The following MYH10 variants were observed in gnomAD, a reference collection of about 807,000 sequenced individuals.
MYH10 encodes the protein myosin heavy chain 10, also known as myosin-10.
Under a neutral mutation model 257.8 loss-of-function variants are expected in MYH10, and 55 were observed. That is an observed-to-expected ratio of 0.21 (90% CI 0.17 to 0.27). MYH10 has a LOEUF of 0.27. Among genes scored for constraint, MYH10 ranks in the 10% least tolerant of loss-of-function variants. MYH10 has a pLI of 1.00. For synonymous variants in MYH10, 854 were observed against 921.7 expected, an observed-to-expected ratio of 0.93 and a Z score of 1.33; for missense variants, 1,631 against 2,500.6, an observed-to-expected ratio of 0.65 and a Z score of 7.42.
intron 7 of MYH10, among the ~76,000 whole-genome samples, chr17:8,556,297 T>C (rs2082793593): frequency 6.6e-6 from 1 of 152,184 alleles, no homozygotes; most frequent in African/African-American, 2.4e-5. Context: ...AATGCATGCA[T>C]CCACATGGAC....
chr17:8,548,562 C>T, intron 10 of MYH10, 82 bp downstream of exon 10: 1 of 1,518,608 alleles, frequency 6.6e-7, no homozygotes, highest in Non-Finnish European at 8.9e-7. Context: ...GTTTCCCAGT[C>T]ATTTTCTAGT....
At chr17:8,604,707 T>C (rs1234649244) in intron 3 of MYH10, 119 bp downstream of exon 3, 1 of 742,912 alleles carries the variant, frequency 1.3e-6, no homozygotes, top group Admixed American at 4.1e-5. Context: ...TAAACATTAC[T>C]TTTTTATTAA....
chr17:8,484,321 A>G, intron 36 of MYH10, 55 bp from the exon 37 acceptor site: 1 of 1,555,656 alleles, frequency 6.4e-7, no homozygotes, highest in Non-Finnish European at 8.7e-7. Flanking sequence ...TTTAGTTAAA[A>G]TAAAATTTTT....
intron 19 of MYH10, among the ~76,000 whole-genome samples, chr17:8,520,287 G>A (rs2081610426): frequency 6.6e-6 from 1 of 152,156 alleles, no homozygotes; most frequent in Non-Finnish European, 1.5e-5. Flanking sequence ...ACGAGGTCAG[G>A]AGATCGAGAC....
chr17:8,569,333 T>A lies in MYH10; in HGVS notation c.756+387A>T, dbSNP rs1362146982. On this transcript the variant is annotated intron_variant, in intron 7 of 42. Transcript: ENST00000360416. The surrounding 1 kb of genome is among the most constrained non-coding windows in gnomAD (Gnocchi z 4.1). The stretch of plus-strand genomic sequence containing the variant: ...AGGTCAGTTTACCACATCTAATGCG[T>A]TGAATGTTTACTATGCATAGTGCCG... Among the ~76,000 whole-genome samples, 1 of 152,130 alleles carries A rather than the reference T, an allele frequency of 6.6e-6. No individual in the cohort carries two copies.
At position 8,542,045 on chromosome 17, in the gene MYH10, T is replaced by C. The variant is rs921129041; in HGVS notation, c.1605+62A>G. 2.0e-6 allele frequency: 3 copies of C among 1,501,210 alleles called. No individual in the cohort carries two copies. In the African/African-American group the frequency reaches 4.2e-5, roughly 21 times the overall value. The allele number at this position is 1,501,210 out of a possible 1,614,324, so 93.0% of individuals were successfully genotyped here. A position where few individuals can be genotyped will look rare whatever the true frequency, so the allele number is the denominator to read the frequency against. On this transcript the variant is annotated intron_variant, in intron 14 of 42. Coordinates refer to ENST00000360416, the MANE Select transcript of MYH10 (RefSeq NM_001256012.3). Reference sequence around the variant, plus strand: ...ACTGGGTAATTTCTGTCTTGGGTTATGCCACTTAAGGTCACTGCTTGAGTG... The same window carrying C: ...ACTGGGTAATTTCTGTCTTGGGTTACGCCACTTAAGGTCACTGCTTGAGTG...
chr17:8,518,623 C>T lies in MYH10; in HGVS notation c.2504+8G>A. ...CAGTGAACGATTAATTCGTGAATAC[C>T]CACTCACTTTCTGGCCAGGTAACCT... On this transcript the variant is annotated splice_region_variant and intron_variant, in intron 21 of 42. Transcript: ENST00000360416. The T allele has an allele frequency of 4.4e-6, 7 of 1,608,632 alleles. No individual in the cohort carries two copies. Among genetic ancestry groups the T allele is most frequent in the Non-Finnish European group, 5.9e-6 (7 of 1,177,670 alleles).
chr17:8,495,885 A>C (rs1916522980), intron 30 of MYH10, among the ~76,000 whole-genome samples: 1 of 151,876 alleles, frequency 6.6e-6, no homozygotes, highest in Non-Finnish European at 1.5e-5. Flanking sequence ...AATTTTTTGT[A>C]TCTTTAGTAG....
intron 30 of MYH10, among the ~76,000 whole-genome samples, chr17:8,498,114 C>T (rs749303170): frequency 9.3e-5 from 14 of 150,446 alleles, no homozygotes; most frequent in East Asian, 2.0e-4. Flanking sequence ...TCCTGAGTAG[C>T]TGGGATTACA....
At chr17:8,605,607 A>G (rs1280406371) in intron 2 of MYH10, among the ~76,000 whole-genome samples, 2 of 151,978 alleles carry the variant, frequency 1.3e-5, no homozygotes, top group Non-Finnish European at 2.9e-5. Flanking sequence ...AGCCGGGCAC[A>G]GTGGCAGGCG....
intron 35 of MYH10, among the ~76,000 whole-genome samples, chr17:8,487,877 G>T (rs1197033903): frequency 6.6e-6 from 1 of 152,136 alleles, no homozygotes; most frequent in Non-Finnish European, 1.5e-5. Context: ...TGTAGATGAA[G>T]CCAAGATGGA....
In MYH10 at chr17:8,535,340, T is replaced by C. The variant is rs2082113707; in HGVS notation, c.1894+47A>G. 1 of 1,424,394 alleles carries C rather than the reference T, an allele frequency of 7.0e-7. No individual in the cohort carries two copies. Among genetic ancestry groups the C allele is most frequent in the Non-Finnish European group, 9.8e-7 (1 of 1,017,880 alleles). The allele number at this position is 1,424,394 out of a possible 1,614,324, so 88.2% of individuals were successfully genotyped here. A position where few individuals can be genotyped will look rare whatever the true frequency, so the allele number is the denominator to read the frequency against. Reference sequence around the variant, plus strand: ...AAGAACCATCTATAAACCTTAATTATAAAAGATTCCAGCCAAGCATGATTA... The same window carrying C: ...AAGAACCATCTATAAACCTTAATTACAAAAGATTCCAGCCAAGCATGATTA... On this transcript the variant is annotated intron_variant, in intron 16 of 42. Coordinates refer to ENST00000360416, the MANE Select transcript of MYH10 (RefSeq NM_001256012.3). This position sits in a 1 kb window ranked among gnomAD's most constrained non-coding sequence, Gnocchi z 4.3.
chr17:8,574,149 T>C (rs1257652445), intron 6 of MYH10, among the ~76,000 whole-genome samples: 2 of 152,210 alleles, frequency 1.3e-5, no homozygotes, highest in Non-Finnish European at 2.9e-5. Flanking sequence ...CACTGATGAA[T>C]GGATAAACAG....
chr17:8,595,425 C>CTTTTTTTTTTT (rs10664342), intron 3 of MYH10, among the ~76,000 whole-genome samples: 4 of 84,184 alleles, frequency 4.8e-5, no homozygotes, highest in African/African-American at 5.8e-5. Flanking sequence ...AAGAACAGTT[C>CTTTTTTTTTTT]TTTTTTTTTT....
chr17:8,500,232 C>T (rs1917306355), intron 29 of MYH10, among the ~76,000 whole-genome samples: 1 of 152,142 alleles, frequency 6.6e-6, no homozygotes, highest in Admixed American at 6.5e-5. Flanking sequence ...AACCAAGTCA[C>T]AAAGGCAAGG....
Position 8,520,937 on chromosome 17 carries a change from C to A in MYH10, c.2214G>T (p.Gly738=). 1 of 1,613,856 alleles carries A rather than the reference C, an allele frequency of 6.2e-7. No homozygotes were observed. The highest frequency in any genetic ancestry group is 8.5e-7 in the Non-Finnish European group (1 of 1,179,788). ...GGAAGCCCTGGCGACAGATTCGGAT[C>A]CCTTCCAGGACACCGTTACAGCGAA... The part of the protein sequence containing the change: ...DQLRCNGVLE[G]IRICRQGFPN... The change falls in exon 19 of 43, where the codon GGG becomes GGT. Residue 738 remains glycine, a synonymous_variant. Coordinates refer to ENST00000360416, the MANE Select transcript of MYH10 (RefSeq NM_001256012.3).
rs760934246 is a variant in MYH10 at position 8,495,227 on chromosome 17, A to G, written c.3966T>C (p.Asn1322=). The change falls in exon 31 of 43, where the codon AAT becomes AAC. Residue 1322 remains asparagine, a synonymous_variant. Coordinates refer to ENST00000360416, the MANE Select transcript of MYH10 (RefSeq NM_001256012.3). ...CTGCTTCTTCCAGAAGGGTGGAGAC[A>G]TTATCTAGCTCATTCTGTAAGGAGC... The part of the protein sequence containing the change: ...KASKLQNELD[N]VSTLLEEAEK... The G allele has an allele frequency of 2.5e-6, 4 of 1,607,996 alleles. No homozygotes were observed. Among genetic ancestry groups the G allele is most frequent in the Non-Finnish European group, 2.6e-6 (3 of 1,174,732 alleles).
At chr17:8,561,697 G>T (rs576404682) in intron 7 of MYH10, 1 of 616,440 alleles carries the variant, frequency 1.6e-6, no homozygotes, top group African/African-American at 1.9e-5. Flanking sequence ...GTAGAGAAAT[G>T]TTCCAAAATA....
intron 13 of MYH10, 108 bp from the exon 14 acceptor site, chr17:8,542,388 G>T: frequency 1.1e-6 from 1 of 925,374 alleles, no homozygotes; most frequent in Non-Finnish European, 1.6e-6. Context: ...TACTAATTAG[G>T]TAGGAAGTAC....
Sources: gnomAD v4.1 joint callset for allele counts (sites outside exome capture counted in the v4.1 genomes callset) on GRCh38, gnomAD v4.1.1 for gene constraint, Gnocchi (gnomAD v3.1) non-coding constraint, MANE v1.5 for transcripts, NCBI Gene and HGNC (gene_info 2026-07-23, HGNC 2026-07-21) for gene names.